The following LHPP variants were observed in gnomAD, a reference collection of about 807,000 sequenced individuals.
The protein encoded by LHPP is phospholysine phosphohistidine inorganic pyrophosphate phosphatase.
LHPP carries 24 observed loss-of-function variants against 30.3 expected under a neutral mutation model. The observed-to-expected ratio is 0.79, with a 90% CI of 0.57 to 1.11. LHPP has a LOEUF of 1.11. LHPP is among the 50% of genes most tolerant of loss of function. LHPP has a pLI of 0.00. For missense variants in LHPP, 356 were observed against 367.2 expected (o/e 0.97, Z 0.25); for synonymous variants, 150 against 157.1 (o/e 0.95, Z 0.34).
At chr10:124,561,059 T>C (rs1402487318) in intron 6 of LHPP, among the ~76,000 whole-genome samples, 4 of 152,108 alleles carry the variant, frequency 2.6e-5, no homozygotes, top group Non-Finnish European at 5.9e-5. Context: ...GAGGGGTGAA[T>C]TCCCTGGGTT....
At chr10:124,474,118 TG>T (rs1342567342) in intron 1 of LHPP, among the ~76,000 whole-genome samples, 1 of 146,068 alleles carries the variant, frequency 6.8e-6, no homozygotes, top group African/African-American at 2.5e-5. Flanking sequence ...TTTTGAAGAG[TG>T]GGTTGCTTTG....
At chr10:124,548,220 A>G (rs1184523076) in intron 6 of LHPP, among the ~76,000 whole-genome samples, 2 of 143,528 alleles carry the variant, frequency 1.4e-5, no homozygotes, top group Non-Finnish European at 3.2e-5. Flanking sequence ...CATTTCCGTG[A>G]TGGTAAAATG....
At chr10:124,508,138 T>C (rs947807099) in intron 5 of LHPP, among the ~76,000 whole-genome samples, 2 of 151,768 alleles carry the variant, frequency 1.3e-5, no homozygotes, top group African/African-American at 4.9e-5. Flanking sequence ...GAGTGGGGAG[T>C]ACATGTCTGT....
At chr10:124,485,588 A>G (rs1442622443) in intron 2 of LHPP, among the ~76,000 whole-genome samples, 1 of 143,606 alleles carries the variant, frequency 7.0e-6, no homozygotes, top group Non-Finnish European at 1.5e-5. Flanking sequence ...AATAATTTTT[A>G]CTTGGAATAG....
intron 6 of LHPP, among the ~76,000 whole-genome samples, chr10:124,587,738 TAAAAAAAAAA>T (rs747954796): frequency 1.9e-5 from 1 of 53,004 alleles, no homozygotes; most frequent in Admixed American, 2.1e-4. Flanking sequence ...AGACTCCATC[TAAAAAAAAAA>T]AAAAAAAAAA....
chr10:124,536,076 C>T (rs745791757), intron 6 of LHPP, among the ~76,000 whole-genome samples: 6 of 152,258 alleles, frequency 3.9e-5, no homozygotes, highest in Non-Finnish European at 8.8e-5. Context: ...CTGTTACAGA[C>T]GCGGAAGCCG....
At chr10:124,514,412 T>C (rs1243672645) in intron 5 of LHPP, among the ~76,000 whole-genome samples, 1 of 152,254 alleles carries the variant, frequency 6.6e-6, no homozygotes, top group African/African-American at 2.4e-5. Flanking sequence ...TTCGGATGTC[T>C]GAAATATCTT....
chr10:124,512,481 G>A (rs999865585), intron 5 of LHPP, among the ~76,000 whole-genome samples: 6 of 151,942 alleles, frequency 3.9e-5, no homozygotes, highest in African/African-American at 1.5e-4. Context: ...GCGGGGCATG[G>A]TGGCAGCCGC....
At chr10:124,603,681 T>G (rs1240265138) in intron 6 of LHPP, among the ~76,000 whole-genome samples, 1 of 152,162 alleles carries the variant, frequency 6.6e-6, no homozygotes, top group East Asian at 1.9e-4. Context: ...GGCCCTCGCC[T>G]CGGCACTGAT....
At chr10:124,605,323 G>C (rs934118537) in intron 6 of LHPP, 1 of 95,552 alleles carries the variant, frequency 1.0e-5, no homozygotes, top group Admixed American at 1.2e-4. Context: ...TCAGGCCTGT[G>C]GGGGGGACCA....
intron 1 of LHPP, among the ~76,000 whole-genome samples, chr10:124,470,456 G>C (rs1315318919): frequency 6.6e-6 from 1 of 152,080 alleles, no homozygotes; most frequent in Non-Finnish European, 1.5e-5. Flanking sequence ...TCAATCCCCT[G>C]TGTGTCTGGG....
In LHPP at chr10:124,551,465, G is replaced by A. The variant is rs368107863; in HGVS notation, c.716+34194G>A. Among the ~76,000 whole-genome samples, 149 of 152,204 alleles carry A rather than the reference G, an allele frequency of 9.8e-4. 1 individual carries two copies. Among genetic ancestry groups the A allele is most frequent in the East Asian group, 6.6e-3 (34 of 5,156 alleles). The stretch of plus-strand genomic sequence containing the variant: ...GCTGCCTGCTCTGCAGGGTGGGGGC[G>A]GGGGGGCAGAGCCTGCCAGCCCCTC... On this transcript the variant is annotated intron_variant, in intron 6 of 6. Transcript: ENST00000368842.
rs113429645 is a variant in LHPP, at chr10:124,513,073, AGTTT to A, written c.625-4078_625-4075del. 2.8e-3 allele frequency among the ~76,000 whole-genome samples: 430 copies of A among 151,334 alleles called. 1 individual carries two copies. The highest frequency in any genetic ancestry group is 7.3e-3 in the African/African-American group (300 of 41,190). ...TCTGAATTCCAGTGAGAAGACATGTAGTTTGTTTGTTTGTTTGTTTGTTTGTTTG... is the reference window on the plus strand; with the variant it reads ...TCTGAATTCCAGTGAGAAGACATGTAGTTTGTTTGTTTGTTTGTTTGTTTG... On this transcript the variant is annotated intron_variant, in intron 5 of 6. Coordinates refer to ENST00000368842, the MANE Select transcript of LHPP (RefSeq NM_022126.4).
At chr10:124,570,954 G>A (rs1948576133) in intron 6 of LHPP, among the ~76,000 whole-genome samples, 1 of 152,204 alleles carries the variant, frequency 6.6e-6, no homozygotes, top group Non-Finnish European at 1.5e-5. Context: ...TGTTGTGGGA[G>A]GTAATTGAAT....
At chr10:124,531,178 C>T (rs1954893641) in intron 6 of LHPP, among the ~76,000 whole-genome samples, 1 of 152,170 alleles carries the variant, frequency 6.6e-6, no homozygotes, top group African/African-American at 2.4e-5. Context: ...GATGGAATTC[C>T]AGAGTCCTCC....
chr10:124,481,257 G>A (rs1171258125), intron 1 of LHPP, among the ~76,000 whole-genome samples: 1 of 152,144 alleles, frequency 6.6e-6, no homozygotes, highest in African/African-American at 2.4e-5. Flanking sequence ...GATGGTGGGA[G>A]GAAGGGACAT....
intron 1 of LHPP, among the ~76,000 whole-genome samples, chr10:124,464,937 T>G (rs1055846037): frequency 1.3e-5 from 2 of 152,042 alleles, no homozygotes; most frequent in East Asian, 1.9e-4. Flanking sequence ...CAGATACCCA[T>G]CAGTAGGGGA....
At chr10:124,611,505 G>A (rs570074342) in intron 6 of LHPP, among the ~76,000 whole-genome samples, 35 of 152,040 alleles carry the variant, frequency 2.3e-4, no homozygotes, top group African/African-American at 7.5e-4. Context: ...AGGAAGTGGG[G>A]GCGCTGGAGG....
At chr10:124,463,519 C>T (rs773094670) in intron 1 of LHPP, among the ~76,000 whole-genome samples, 14 of 151,892 alleles carry the variant, frequency 9.2e-5, no homozygotes, top group Admixed American at 1.3e-4. Context: ...CCCGCCACCA[C>T]GCCCAGCTAA....
Sources: allele counts gnomAD v4.1 joint callset (sites outside exome capture counted in the v4.1 genomes callset), GRCh38; gene constraint gnomAD v4.1.1; transcripts MANE v1.5; gene names NCBI Gene and HGNC (gene_info 2026-07-23, HGNC 2026-07-21).